ATG10: variants seen among roughly 807,000 people sequenced by gnomAD.
The protein encoded by ATG10 is ubiquitin-like-conjugating enzyme ATG10.
In ATG10, 30 loss-of-function variants were observed where a neutral mutation model predicts 32.1. That is an observed-to-expected ratio of 0.94 (90% confidence interval 0.70 to 1.27). ATG10 has a LOEUF of 1.27. Ranked by LOEUF, ATG10 falls within the 50% of genes most tolerant of loss-of-function variation. The probability of loss-of-function intolerance (pLI) is 0.00; values close to 1 mark genes in which losing one functional copy is unlikely to be tolerated. For synonymous variants in ATG10, 87 were observed against 91.5 expected, an observed-to-expected ratio of 0.95 and a Z score of 0.28; for missense variants, 233 against 262.3, an observed-to-expected ratio of 0.89 and a Z score of 0.77.
At chr5:82,131,219 A>T (rs911135927) in intron 3 of ATG10, among the ~76,000 whole-genome samples, 14 of 152,194 alleles carry the variant, frequency 9.2e-5, no homozygotes, top group African/African-American at 3.4e-4. Flanking sequence ...ATAAAAGTTG[A>T]AAATTTTTGA....
chr5:82,191,789 T>G (rs1042290814), intron 5 of ATG10, among the ~76,000 whole-genome samples: 3 of 152,170 alleles, frequency 2.0e-5, no homozygotes, highest in Non-Finnish European at 4.4e-5. Context: ...CTGGACTCTT[T>G]CCCCAGACAC....
chr5:82,215,585 T>C (rs1745644536), intron 5 of ATG10, among the ~76,000 whole-genome samples: 1 of 152,198 alleles, frequency 6.6e-6, no homozygotes, highest in Admixed American at 6.5e-5. Flanking sequence ...CAGCTCATTT[T>C]GTCCTGAAAC....
intron 3 of ATG10, among the ~76,000 whole-genome samples, chr5:82,081,786 C>T (rs971612960): frequency 1.1e-4 from 17 of 152,058 alleles, no homozygotes; most frequent in South Asian, 2.1e-4. Flanking sequence ...ATTTTTGCAT[C>T]GATGTTCATC....
At chr5:82,154,404 A>G (rs190105710) in intron 3 of ATG10, among the ~76,000 whole-genome samples, 57 of 152,344 alleles carry the variant, frequency 3.7e-4, no homozygotes, top group Middle Eastern at 3.4e-3. Flanking sequence ...GAATGAATGT[A>G]TGATTAATTA....
At chr5:81,996,917 T>G (rs931090727) in intron 2 of ATG10, among the ~76,000 whole-genome samples, 1 of 152,188 alleles carries the variant, frequency 6.6e-6, no homozygotes, top group Admixed American at 6.5e-5. Context: ...GTACCTGATA[T>G]ACAGGAAGCA....
rs188832799 is a variant in ATG10 at position 82,043,483 on chromosome 5, A to G, written c.109-15012A>G. 7.9e-5 allele frequency among the ~76,000 whole-genome samples: 12 copies of G among 152,300 alleles called. No individual in the cohort carries two copies. The East Asian group carries it at 2.3e-3, about 29-fold the overall frequency. On this transcript the variant is annotated intron_variant, in intron 2 of 7. Transcript: ENST00000282185. Reference sequence around the variant, plus strand: ...CATTCAGCTTCTCATTACTTATGCAAATTTCTGCAGCTGGCTTGAATTCTT... The same window carrying G: ...CATTCAGCTTCTCATTACTTATGCAGATTTCTGCAGCTGGCTTGAATTCTT...
intron 3 of ATG10, among the ~76,000 whole-genome samples, chr5:82,062,143 A>T (rs2149755678): frequency 6.6e-6 from 1 of 152,220 alleles, no homozygotes; most frequent in South Asian, 2.1e-4. Flanking sequence ...ATTCTAAAAG[A>T]GTTTATTTTC....
intron 4 of ATG10, among the ~76,000 whole-genome samples, chr5:82,166,955 T>C (rs1743608156): frequency 1.3e-5 from 2 of 152,126 alleles, no homozygotes; most frequent in South Asian, 4.1e-4. Flanking sequence ...CCTGTACCTA[T>C]TTTTTTAAGG....
At chr5:82,036,726 T>G (rs1762935632) in intron 2 of ATG10, among the ~76,000 whole-genome samples, 1 of 152,216 alleles carries the variant, frequency 6.6e-6, no homozygotes, top group African/African-American at 2.4e-5. Context: ...ACAAGTTTTA[T>G]AAAAAACTTG....
chr5:82,004,775 A>G (rs184739740), intron 2 of ATG10, among the ~76,000 whole-genome samples: 3 of 152,272 alleles, frequency 2.0e-5, no homozygotes, highest in East Asian at 3.9e-4. Context: ...GACAGTGTCA[A>G]CTTGCTATGA....
Position 82,253,390 on chromosome 5 carries a change from A to T in ATG10, c.628A>T (p.Lys210Ter), listed in dbSNP as rs755948160. ...VGLNLPLSYA[K>*]ATSQDERNVP is the part of the protein sequence containing the mutation. ...GCTGAATCTACCTCTGAGTTATGCC[A>T]AAGCAACGTCTCAGGATGAACGAAA... is the stretch of plus-strand genomic sequence containing the variant. The change falls in exon 7 of 8, where the codon AAA becomes TAA. Residue 210 changes from lysine to a stop codon, truncating the protein, a stop_gained. Transcript: ENST00000282185. LOFTEE classifies it high-confidence loss of function. 1 of 1,610,304 alleles carries T rather than the reference A, an allele frequency of 6.2e-7. No homozygotes were observed. Among genetic ancestry groups the T allele is most frequent in the Non-Finnish European group, 8.5e-7 (1 of 1,176,428 alleles).
rs559909017 is a variant in ATG10, at chr5:82,136,306, G to C, written c.217-28093G>C. ...GTTATTTTGCTGGTTAGTTCATGCA[G>C]TTTCTTCATAGTGTCGACGGTCTTT... On this transcript the variant is annotated intron_variant, in intron 3 of 7. Transcript: ENST00000282185. 3.9e-5 allele frequency among the ~76,000 whole-genome samples: 6 copies of C among 152,312 alleles called. No homozygotes were observed. The South Asian group carries it at 1.0e-3, about 26-fold the overall frequency.
chr5:82,157,384 C>T (rs370935014), intron 3 of ATG10, among the ~76,000 whole-genome samples: 4 of 152,010 alleles, frequency 2.6e-5, no homozygotes, highest in South Asian at 4.2e-4. Context: ...ATGTTGAACC[C>T]GCTGATATGT....
At chr5:82,116,525 T>C (rs1037464273) in intron 3 of ATG10, among the ~76,000 whole-genome samples, 2 of 152,118 alleles carry the variant, frequency 1.3e-5, no homozygotes, top group Admixed American at 6.6e-5. Context: ...TATATGTATA[T>C]TGCAAATGTC....
intron 3 of ATG10, among the ~76,000 whole-genome samples, chr5:82,068,461 T>C (rs1764012540): frequency 6.6e-6 from 1 of 151,934 alleles, no homozygotes; most frequent in Admixed American, 6.6e-5. Context: ...GACAGGTTGA[T>C]GGGTGCAGCA....
At chr5:82,079,641 T>C (rs1418944202) in intron 3 of ATG10, among the ~76,000 whole-genome samples, 1 of 152,050 alleles carries the variant, frequency 6.6e-6, no homozygotes, top group African/African-American at 2.4e-5. Flanking sequence ...CTGTGATAGT[T>C]TGCTGAGAAT....
intron 3 of ATG10, chr5:82,111,545 C>T (rs1325012147): frequency 6.6e-6 from 1 of 151,776 alleles, no homozygotes; most frequent in East Asian, 1.9e-4. Flanking sequence ...GATTTTCTTT[C>T]CTTAAAAAAA....
rs145353234 is a variant in ATG10 at position 82,164,486 on chromosome 5, T to C, written c.304T>C (p.Tyr102His). 1.9e-6 allele frequency: 3 copies of C among 1,613,584 alleles called. No homozygotes were observed. Among genetic ancestry groups the C allele is most frequent in the African/African-American group, 1.3e-5 (1 of 74,906 alleles). ...EVIKYEYHVL[Y>H]SCSYQVPVLY... is the part of the protein sequence containing the mutation. ...GATTAAATATGAGTATCATGTCTTA[T>C]ATTCCTGTAGCTACCAAGTGCCTGT... Residue 102 changes from tyrosine to histidine, a missense_variant, in exon 4 of 8, where the codon TAT becomes CAT. By Grantham distance (83) the Tyr-to-His change is moderately conservative. Coordinates refer to ENST00000282185, the MANE Select transcript of ATG10 (RefSeq NM_031482.5).
intron 3 of ATG10, among the ~76,000 whole-genome samples, chr5:82,063,821 C>T (rs1378360705): frequency 1.3e-5 from 2 of 151,984 alleles, no homozygotes; most frequent in Non-Finnish European, 2.9e-5. Flanking sequence ...AAACTGAGAC[C>T]TATCAGAGGG....
Sources: allele counts gnomAD v4.1 joint callset (sites outside exome capture counted in the v4.1 genomes callset), GRCh38; gene constraint gnomAD v4.1.1; transcripts MANE v1.5; gene names NCBI Gene and HGNC (gene_info 2026-07-23, HGNC 2026-07-21).